Variants in TFCP2 observed in about 807,000 individuals in gnomAD.
TFCP2 encodes alpha-globin transcription factor CP2.
A neutral mutation model predicts 73.4 loss-of-function variants in TFCP2; 33 were observed. The ratio of observed to expected loss-of-function variants is 0.45; its 90% CI spans 0.34 to 0.60. The LOEUF (loss-of-function observed/expected upper bound fraction) is 0.60. TFCP2 is among the 20% of genes least tolerant of loss of function. The pLI is 0.01. For synonymous variants in TFCP2, 193 were observed against 211.6 expected (o/e 0.91, Z 0.76); for missense variants, 352 against 604.0 (o/e 0.58, Z 4.37).
intron 1 of TFCP2, among the ~76,000 whole-genome samples, chr12:51,136,302 T>TAA (rs11312082): frequency 7.3e-6 from 1 of 136,712 alleles, no homozygotes; most frequent in African/African-American, 2.7e-5. Context: ...AGACTCTAAA[T>TAA]AAAAAAAAAA....
At chr12:51,146,921 TG>T (rs1941309283) in intron 1 of TFCP2, among the ~76,000 whole-genome samples, 1 of 152,182 alleles carries the variant, frequency 6.6e-6, no homozygotes, top group Non-Finnish European at 1.5e-5. Context: ...TGGGAGCATA[TG>T]GTGAAGACAA....
At chr12:51,142,948 A>C (rs1162526861) in intron 1 of TFCP2, among the ~76,000 whole-genome samples, 1 of 151,972 alleles carries the variant, frequency 6.6e-6, no homozygotes, top group East Asian at 1.9e-4. Flanking sequence ...GGAGCACTCA[A>C]CCCAACTGTA....
intron 1 of TFCP2, among the ~76,000 whole-genome samples, chr12:51,158,009 A>AC (rs1555147579): frequency 6.7e-6 from 1 of 149,690 alleles, no homozygotes; most frequent in African/African-American, 2.5e-5. Flanking sequence ...TATAATCTTA[A>AC]TTTTTTTTTA....
intron 1 of TFCP2, among the ~76,000 whole-genome samples, chr12:51,127,701 A>T (rs544457813): frequency 6.6e-6 from 1 of 152,328 alleles, no homozygotes; most frequent in South Asian, 2.1e-4. Context: ...AAGAAATATT[A>T]GGAAAAGTGG....
intron 5 of TFCP2, 67 bp from the exon 6 acceptor site, chr12:51,109,340 T>G: frequency 6.4e-7 from 1 of 1,553,562 alleles, no homozygotes; most frequent in African/African-American, 1.4e-5. Flanking sequence ...AGTATTTTTT[T>G]AGCAACTATT....
intron 8 of TFCP2, among the ~76,000 whole-genome samples, chr12:51,105,105 T>A (rs995474209): frequency 6.6e-6 from 1 of 151,434 alleles, no homozygotes; most frequent in African/African-American, 2.4e-5. Context: ...TTTTTCTTTT[T>A]TTTTTTGAGA....
At chr12:51,140,451 T>TC (rs1364002185) in intron 1 of TFCP2, among the ~76,000 whole-genome samples, 2 of 137,480 alleles carry the variant, frequency 1.5e-5, no homozygotes, top group African/African-American at 2.7e-5. Flanking sequence ...TTTTCTTTTT[T>TC]TTTTTTTTTT....
chr12:51,095,742 A>C (rs546494497), intron 14 of TFCP2, among the ~76,000 whole-genome samples: 20 of 150,616 alleles, frequency 1.3e-4, no homozygotes, highest in South Asian at 1.3e-3. Context: ...TGAACTTGGG[A>C]AGCGAAGGTT....
chr12:51,116,968 G>A (rs189568409), intron 3 of TFCP2, among the ~76,000 whole-genome samples: 1 of 152,160 alleles, frequency 6.6e-6, no homozygotes, highest in Admixed American at 6.5e-5. Context: ...TTAAAACTTG[G>A]CTTAAACTTC....
chr12:51,166,590 C>T (rs1941762512), intron 1 of TFCP2, among the ~76,000 whole-genome samples: 1 of 152,108 alleles, frequency 6.6e-6, no homozygotes, highest in Admixed American at 6.5e-5. Flanking sequence ...AAACTCCACA[C>T]TTAGATCATG....
chr12:51,168,775 T>C (rs1941802085), intron 1 of TFCP2, among the ~76,000 whole-genome samples: 1 of 151,426 alleles, frequency 6.6e-6, no homozygotes, highest in Non-Finnish European at 1.5e-5. Context: ...CGAGCCACCA[T>C]GCCTATCCCC....
At chr12:51,117,795 G>T (rs777382383) in intron 2 of TFCP2, 48 bp from the exon 3 acceptor site, 2 of 1,316,114 alleles carry the variant, frequency 1.5e-6, no homozygotes. Flanking sequence ...AATTAACTTT[G>T]CTAGATTCGG....
At chr12:51,103,585 A>G in intron 10 of TFCP2, 85 bp downstream of exon 10, 2 of 993,912 alleles carry the variant, frequency 2.0e-6, no homozygotes, top group Non-Finnish European at 1.5e-6. Context: ...ATATACACAC[A>G]CAACTCTCCC....
Position 51,095,974 on chromosome 12 carries a change from T to C in TFCP2, c.1471+15A>G. ...TGTTAAACTGCTTAGAGAAAGATGT[T>C]TGTCTTACTATTACCTTTCATTGTG... On this transcript the variant is annotated intron_variant, in intron 14 of 14. Transcript: ENST00000257915. The C allele has an allele frequency of 6.2e-7, 1 of 1,610,490 alleles. No homozygotes were observed. The highest frequency in any genetic ancestry group is 1.7e-4 in the Middle Eastern group (1 of 6,046).
intron 10 of TFCP2, 59 bp downstream of exon 10, chr12:51,103,611 C>A: frequency 7.5e-7 from 1 of 1,328,480 alleles, no homozygotes; most frequent in South Asian, 1.2e-5. Context: ...TACCAGGAGG[C>A]CCTAGAATGC....
At chr12:51,125,225 T>C (rs544912474) in intron 1 of TFCP2, 20 of 614,288 alleles carry the variant, frequency 3.3e-5, no homozygotes, top group Admixed American at 2.7e-4. Flanking sequence ...AATTGGTTTC[T>C]GTACCCATGG....
chr12:51,131,176 A>C (rs899234200), intron 1 of TFCP2, among the ~76,000 whole-genome samples: 6 of 151,596 alleles, frequency 4.0e-5, no homozygotes, highest in South Asian at 4.2e-4. Flanking sequence ...AAAAAAAAAA[A>C]AACAAAAAAT....
chr12:51,158,934 C>A (rs1052869157), intron 1 of TFCP2, among the ~76,000 whole-genome samples: 1 of 143,688 alleles, frequency 7.0e-6, no homozygotes, highest in South Asian at 2.3e-4. Flanking sequence ...GAGGCCGAGG[C>A]GGGAGAATCA....
intron 1 of TFCP2, among the ~76,000 whole-genome samples, chr12:51,128,746 G>T (rs781498260): frequency 3.3e-5 from 5 of 152,176 alleles, no homozygotes; most frequent in African/African-American, 4.8e-5. Flanking sequence ...CTGGAAGAAG[G>T]CTCAGTAGTA....
Sources: gnomAD v4.1 joint callset for allele counts (sites outside exome capture counted in the v4.1 genomes callset) on GRCh38, gnomAD v4.1.1 for gene constraint, MANE v1.5 for transcripts, NCBI Gene and HGNC (gene_info 2026-07-23, HGNC 2026-07-21) for gene names.